TRAPPC9: variants seen among roughly 807,000 people sequenced by gnomAD.
TRAPPC9 encodes IKK2 binding protein.
TRAPPC9 carries 83 observed loss-of-function variants against 124.0 expected under a neutral mutation model. That is an observed-to-expected ratio of 0.67 (90% CI 0.56 to 0.80). The LOEUF is 0.80. Ranked by LOEUF, TRAPPC9 falls within the 30% of genes least tolerant of loss-of-function variation. The probability of loss-of-function intolerance (pLI) is 0.00; values close to 1 mark genes in which losing one functional copy is unlikely to be tolerated. For synonymous variants in TRAPPC9, 638 were observed against 617.5 expected (o/e 1.03, Z -0.49); for missense variants, 1,302 against 1,508.3 (o/e 0.86, Z 2.27).
chr8:140,423,930 A>G (rs141186682), intron 5 of TRAPPC9, among the ~76,000 whole-genome samples: 13 of 152,276 alleles, frequency 8.5e-5, no homozygotes, highest in African/African-American at 2.9e-4. Context: ...CAGGCAAATA[A>G]TAGAGAAAGA....
rs936348767 is a variant in TRAPPC9, at chr8:139,728,586, C to A, written c.*2475G>T. Among the ~76,000 whole-genome samples, 18 of 152,196 alleles carry A rather than the reference C, an allele frequency of 1.2e-4. No individual in the cohort carries two copies. Among genetic ancestry groups the A allele is most frequent in the Admixed American group, 1.1e-3 (17 of 15,288 alleles). On this transcript the variant is annotated 3_prime_UTR_variant, in exon 23 of 23. Coordinates refer to ENST00000438773, the MANE Select transcript of TRAPPC9 (RefSeq NM_001160372.4). ...ACCCAGCCACAGAAATGCCAGCAAA[C>A]AACACCCCTGGCTCCCCACATCCCA...
At chr8:140,387,871 T>C (rs967141292) in intron 7 of TRAPPC9, among the ~76,000 whole-genome samples, 5 of 152,178 alleles carry the variant, frequency 3.3e-5, no homozygotes, top group Non-Finnish European at 7.3e-5. Flanking sequence ...ATACCACTAC[T>C]GGGTATATAC....
intron 5 of TRAPPC9, among the ~76,000 whole-genome samples, chr8:140,419,647 A>C (rs906976131): frequency 6.6e-6 from 1 of 151,828 alleles, no homozygotes; most frequent in African/African-American, 2.4e-5. Context: ...ACACTTTGGG[A>C]GGCCGAGGCA....
intron 19 of TRAPPC9, among the ~76,000 whole-genome samples, chr8:139,911,750 A>G (rs1279757634): frequency 3.3e-5 from 5 of 151,062 alleles, no homozygotes; most frequent in Non-Finnish European, 7.4e-5. Flanking sequence ...TATTGCATAG[A>G]TTGTGCTGTG....
At chr8:139,842,482 G>A (rs1260352315) in intron 21 of TRAPPC9, among the ~76,000 whole-genome samples, 2 of 152,202 alleles carry the variant, frequency 1.3e-5, no homozygotes, top group Admixed American at 6.5e-5. Context: ...GGCTTCGATC[G>A]CACAGACATC....
intron 17 of TRAPPC9, among the ~76,000 whole-genome samples, chr8:140,134,636 T>A (rs1413543279): frequency 6.6e-6 from 1 of 152,034 alleles, no homozygotes; most frequent in Non-Finnish European, 1.5e-5. Flanking sequence ...ACAACTGGAG[T>A]TCCACATGCA....
At chr8:139,960,125 G>A (rs1490190770) in intron 19 of TRAPPC9, among the ~76,000 whole-genome samples, 1 of 152,186 alleles carries the variant, frequency 6.6e-6, no homozygotes, top group Non-Finnish European at 1.5e-5. Flanking sequence ...AAGATGGATG[G>A]CAAATAAATG....
intron 17 of TRAPPC9, among the ~76,000 whole-genome samples, chr8:140,024,412 T>A (rs886615950): frequency 2.0e-5 from 3 of 151,904 alleles, no homozygotes; most frequent in Non-Finnish European, 2.9e-5. Flanking sequence ...TTTTTTTTTT[T>A]TTTGGAGATG....
chr8:139,886,833 G>T (rs939712651), intron 20 of TRAPPC9, among the ~76,000 whole-genome samples: 1 of 152,204 alleles, frequency 6.6e-6, no homozygotes, highest in Non-Finnish European at 1.5e-5. Flanking sequence ...TTCCCATTCT[G>T]GTGAAGGCAG....
At chr8:139,929,437 T>TA (rs928720068) in intron 19 of TRAPPC9, among the ~76,000 whole-genome samples, 11 of 144,872 alleles carry the variant, frequency 7.6e-5, no homozygotes, top group East Asian at 4.0e-4. Flanking sequence ...AGGCTTACAA[T>TA]AAAAAAAAAG....
chr8:139,941,005 ATCACTGTCC>A (rs1457446910), intron 19 of TRAPPC9, among the ~76,000 whole-genome samples: 1 of 152,212 alleles, frequency 6.6e-6, no homozygotes, highest in Admixed American at 6.5e-5. Flanking sequence ...AGCATCTCCC[ATCACTGTCC>A]TCACTGGGAC....
At chr8:140,271,811 T>C (rs1054539024) in intron 15 of TRAPPC9, among the ~76,000 whole-genome samples, 5 of 152,228 alleles carry the variant, frequency 3.3e-5, no homozygotes, top group South Asian at 2.1e-4. Context: ...GTGGTAGCCT[T>C]AGGCAGAGAA....
chr8:140,126,588 T>C (rs946907045), intron 17 of TRAPPC9, among the ~76,000 whole-genome samples: 9 of 152,266 alleles, frequency 5.9e-5, no homozygotes, highest in Admixed American at 3.3e-4. Flanking sequence ...TGAAATTAAA[T>C]GACATCATCT....
At chr8:140,302,326 C>T (rs1323401901) in intron 10 of TRAPPC9, among the ~76,000 whole-genome samples, 2 of 152,218 alleles carry the variant, frequency 1.3e-5, no homozygotes, top group African/African-American at 4.8e-5. Flanking sequence ...TCTGTGTGTG[C>T]CCTTCATTAT....
chr8:139,809,382 G>C (rs991079494), intron 21 of TRAPPC9, among the ~76,000 whole-genome samples: 2 of 152,030 alleles, frequency 1.3e-5, no homozygotes, highest in African/African-American at 4.8e-5. Context: ...AGAGGGAGGA[G>C]ACTGCGAACT....
chr8:139,761,192 G>A (rs1820193557), intron 21 of TRAPPC9, among the ~76,000 whole-genome samples: 1 of 152,230 alleles, frequency 6.6e-6, no homozygotes. Flanking sequence ...GGCAGGGGAT[G>A]AGGTGCCTGT....
intron 9 of TRAPPC9, among the ~76,000 whole-genome samples, chr8:140,354,256 G>T (rs1033849811): frequency 6.6e-6 from 1 of 152,242 alleles, no homozygotes; most frequent in East Asian, 1.9e-4. Context: ...AACCCATGAG[G>T]CTTCAGAGGA....
At position 140,370,960 on chromosome 8, in the gene TRAPPC9, G is replaced by A; in HGVS notation, c.1351+4C>T. 5 of 1,613,954 alleles carry A rather than the reference G, an allele frequency of 3.1e-6. No individual in the cohort carries two copies. The highest frequency in any genetic ancestry group is 4.2e-6 in the Non-Finnish European group (5 of 1,180,046). The stretch of plus-strand genomic sequence containing the variant: ...CCTTAGCGCCAGCAAGGGGACTCCA[G>A]TACCTCTGCTGAAATCTTTGGGATC... On this transcript the variant is annotated splice_donor_region_variant and intron_variant, in intron 8 of 22. Coordinates refer to ENST00000438773, the MANE Select transcript of TRAPPC9 (RefSeq NM_001160372.4).
intron 18 of TRAPPC9, among the ~76,000 whole-genome samples, chr8:140,006,621 T>A (rs1008065444): frequency 1.3e-5 from 2 of 152,182 alleles, no homozygotes; most frequent in Non-Finnish European, 2.9e-5. Flanking sequence ...AACTAATGAA[T>A]GAACAAAATT....
Sources: gnomAD v4.1 joint callset for allele counts (sites outside exome capture counted in the v4.1 genomes callset) on GRCh38, gnomAD v4.1.1 for gene constraint, MANE v1.5 for transcripts, NCBI Gene and HGNC (gene_info 2026-07-23, HGNC 2026-07-21) for gene names.